Variants in SYT16 observed in about 807,000 individuals in gnomAD.
The protein encoded by SYT16 is synaptotagmin 16.
Under a neutral mutation model 61.4 loss-of-function variants are expected in SYT16, and 42 were observed. That is an observed-to-expected ratio of 0.68 (90% confidence interval 0.53 to 0.89). The LOEUF (loss-of-function observed/expected upper bound fraction) is 0.89, where lower values mean the gene tolerates loss of function less well. Ranked by LOEUF, SYT16 falls within the 40% of genes least tolerant of loss-of-function variation. SYT16 has a pLI of 0.00. For synonymous variants in SYT16, 314 were observed against 302.3 expected, an observed-to-expected ratio of 1.04 and a Z score of -0.40; for missense variants, 804 against 807.3, an observed-to-expected ratio of 1.00 and a Z score of 0.05.
At chr14:62,085,251 G>C (rs930493651) in intron 7 of SYT16, among the ~76,000 whole-genome samples, 4 of 152,292 alleles carry the variant, frequency 2.6e-5, no homozygotes, top group South Asian at 2.1e-4. Flanking sequence ...AGCTTGAAAG[G>C]GGGGCAGGAA....
At chr14:61,927,357 G>A (rs1001078769) in intron 1 of SYT16, among the ~76,000 whole-genome samples, 1 of 152,188 alleles carries the variant, frequency 6.6e-6, no homozygotes, top group African/African-American at 2.4e-5. Context: ...TCCTGCACTG[G>A]CTATTTATTG....
At chr14:61,925,820 G>C (rs1485433613) in intron 1 of SYT16, among the ~76,000 whole-genome samples, 1 of 152,198 alleles carries the variant, frequency 6.6e-6, no homozygotes, top group Non-Finnish European at 1.5e-5. Flanking sequence ...AAAGCTGTGT[G>C]TGGGGCCTAC....
intron 1 of SYT16, among the ~76,000 whole-genome samples, chr14:61,953,141 T>A (rs2050738279): frequency 6.6e-6 from 1 of 152,190 alleles, no homozygotes; most frequent in African/African-American, 2.4e-5. Flanking sequence ...TTTAAGTGGC[T>A]TATTTAATTT....
At chr14:61,935,244 C>T (rs2049932036) in intron 1 of SYT16, among the ~76,000 whole-genome samples, 1 of 152,198 alleles carries the variant, frequency 6.6e-6, no homozygotes, top group African/African-American at 2.4e-5. Context: ...GAACTCAAGG[C>T]CCTGCGGTGA....
intron 1 of SYT16, among the ~76,000 whole-genome samples, chr14:61,823,164 T>C (rs2045665514): frequency 6.6e-6 from 1 of 152,050 alleles, no homozygotes; most frequent in Non-Finnish European, 1.5e-5. Flanking sequence ...GGCTAATTTT[T>C]TGTATTTTTG....
Position 62,100,660 on chromosome 14 carries a change from A to G in SYT16, c.1891A>G (p.Thr631Ala), listed in dbSNP as rs200037579. ...AGATCACTGGGAGGAGATGAAGGAA[A>G]CCAAAGGCCAGCAGATCTGCAGATG... Reference protein sequence around the residue: ...EQDHWEEMKETKGQQICRWHT... With the variant: ...EQDHWEEMKEAKGQQICRWHT... Residue 631 changes from threonine (T) to alanine (A), a missense_variant, in exon 8 of 8, where the codon ACC becomes GCC. Thr to Ala is a moderately conservative substitution (Grantham distance 58, BLOSUM62 0). Transcript: ENST00000683842. 9.9e-6 allele frequency: 16 copies of G among 1,613,798 alleles called. No individual in the cohort carries two copies. The highest frequency in any genetic ancestry group is 1.7e-4 in the Middle Eastern group (1 of 6,054).
intron 1 of SYT16, among the ~76,000 whole-genome samples, chr14:61,896,480 A>G (rs1223773106): frequency 6.6e-6 from 1 of 152,220 alleles, no homozygotes; most frequent in African/African-American, 2.4e-5. Flanking sequence ...TGAAGGCTCA[A>G]GTATATTGTC....
At chr14:61,834,449 T>A (rs1180850194) in intron 1 of SYT16, among the ~76,000 whole-genome samples, 1 of 145,938 alleles carries the variant, frequency 6.9e-6, no homozygotes, top group Non-Finnish European at 1.5e-5. Flanking sequence ...TTTTTTTTTT[T>A]TTTGAGACAG....
intron 1 of SYT16, among the ~76,000 whole-genome samples, chr14:61,949,148 C>G (rs1334494529): frequency 6.6e-6 from 1 of 152,150 alleles, no homozygotes; most frequent in Admixed American, 6.5e-5. Flanking sequence ...GTTCTAGTTT[C>G]CTGGCCAGGA....
At chr14:62,004,465 T>C (rs905311785) in intron 3 of SYT16, among the ~76,000 whole-genome samples, 1 of 152,128 alleles carries the variant, frequency 6.6e-6, no homozygotes, top group South Asian at 2.1e-4. Flanking sequence ...CGTATAATCC[T>C]GTAAACAGTT....
chr14:61,871,060 G>T (rs2047316791), intron 1 of SYT16, among the ~76,000 whole-genome samples: 1 of 152,122 alleles, frequency 6.6e-6, no homozygotes, highest in Non-Finnish European at 1.5e-5. Context: ...TGTTCTGGAA[G>T]GCAGTTAAGC....
chr14:62,047,870 G>A (rs775090620), intron 3 of SYT16, among the ~76,000 whole-genome samples: 24 of 152,116 alleles, frequency 1.6e-4, no homozygotes, highest in Non-Finnish European at 2.5e-4. Flanking sequence ...TACTGGATTC[G>A]GTTTGCCAGT....
intron 1 of SYT16, among the ~76,000 whole-genome samples, chr14:61,829,430 A>C (rs1242054234): frequency 1.3e-5 from 2 of 152,104 alleles, no homozygotes; most frequent in African/African-American, 4.8e-5. Flanking sequence ...TAGGTTTTTC[A>C]ATCTCTAGAT....
intron 7 of SYT16, among the ~76,000 whole-genome samples, chr14:62,091,615 A>G (rs565262496): frequency 9.9e-5 from 15 of 152,212 alleles, no homozygotes; most frequent in Admixed American, 2.6e-4. Context: ...AGGATAGTCT[A>G]TTCAACCAAT....
At chr14:61,854,831 CTG>C (rs1042088151) in intron 1 of SYT16, among the ~76,000 whole-genome samples, 11 of 150,598 alleles carry the variant, frequency 7.3e-5, no homozygotes, top group African/African-American at 2.7e-4. Flanking sequence ...TTTATAAAAA[CTG>C]TTGCTTATTC....
At chr14:62,053,228 C>T (rs2055391036) in intron 3 of SYT16, among the ~76,000 whole-genome samples, 1 of 152,178 alleles carries the variant, frequency 6.6e-6, no homozygotes. Context: ...GATGAAGTCT[C>T]AGATGGAAAT....
intron 1 of SYT16, among the ~76,000 whole-genome samples, chr14:61,926,462 AT>A (rs1467130851): frequency 1.3e-5 from 2 of 152,178 alleles, no homozygotes; most frequent in African/African-American, 4.8e-5. Flanking sequence ...ATGCTCCTTC[AT>A]TTTCTAGAAC....
chr14:61,952,862 G>A (rs548637773), intron 1 of SYT16, among the ~76,000 whole-genome samples: 1 of 152,124 alleles, frequency 6.6e-6, no homozygotes, highest in Non-Finnish European at 1.5e-5. Flanking sequence ...TATTAACTAG[G>A]AAGAACATTT....
At chr14:61,952,517 G>A (rs966215096) in intron 1 of SYT16, among the ~76,000 whole-genome samples, 4 of 152,218 alleles carry the variant, frequency 2.6e-5, no homozygotes, top group Non-Finnish European at 2.9e-5. Flanking sequence ...TTCTAGAAGT[G>A]TATGTGTCTG....
Sources: allele counts gnomAD v4.1 joint callset (sites outside exome capture counted in the v4.1 genomes callset), GRCh38; gene constraint gnomAD v4.1.1; transcripts MANE v1.5; gene names NCBI Gene and HGNC (gene_info 2026-07-23, HGNC 2026-07-21).